GPC5: variants seen among roughly 807,000 people sequenced by gnomAD.
GPC5 encodes glypican-5.
Under a neutral mutation model 53.9 loss-of-function variants are expected in GPC5, and 47 were observed. That is an observed-to-expected ratio of 0.87 (90% confidence interval 0.69 to 1.11). GPC5 has a LOEUF of 1.11. Among genes scored for constraint, GPC5 ranks in the 50% most tolerant of loss-of-function variants. The pLI is 0.00. For synonymous variants in GPC5, 286 were observed against 263.3 expected (o/e 1.09, Z -0.84); for missense variants, 748 against 713.1 (o/e 1.05, Z -0.56).
intron 5 of GPC5, among the ~76,000 whole-genome samples, chr13:91,777,380 GT>G (rs1391010596): frequency 1.3e-5 from 2 of 152,174 alleles, no homozygotes; most frequent in African/African-American, 4.8e-5. Flanking sequence ...CTTTGACAGT[GT>G]TATCTGAAGC....
chr13:92,489,256 C>T (rs183034153), intron 7 of GPC5, among the ~76,000 whole-genome samples: 47 of 152,278 alleles, frequency 3.1e-4, no homozygotes, highest in African/African-American at 1.1e-3. Context: ...ATTCACTTAT[C>T]TAATGATCCT....
intron 2 of GPC5, among the ~76,000 whole-genome samples, chr13:91,492,884 A>G (rs2139260693): frequency 6.6e-6 from 1 of 152,302 alleles, no homozygotes; most frequent in East Asian, 1.9e-4. Context: ...GAAATAACCA[A>G]AACAACTCCA....
At chr13:91,548,994 G>A (rs1286900539) in intron 2 of GPC5, among the ~76,000 whole-genome samples, 1 of 152,156 alleles carries the variant, frequency 6.6e-6, no homozygotes, top group Non-Finnish European at 1.5e-5. Flanking sequence ...AAACTGGCTG[G>A]GTGCAGTGAC....
intron 5 of GPC5, among the ~76,000 whole-genome samples, chr13:91,846,890 G>A (rs572107209): frequency 6.6e-6 from 1 of 152,160 alleles, no homozygotes; most frequent in Admixed American, 6.6e-5. Context: ...TGAAGATTAA[G>A]TTCAAAGAGA....
chr13:91,569,940 A>G (rs557518074), intron 2 of GPC5, among the ~76,000 whole-genome samples: 7 of 152,260 alleles, frequency 4.6e-5, no homozygotes, highest in Non-Finnish European at 2.9e-5. Context: ...TAAATTACCC[A>G]TTCTCATGTA....
chr13:92,223,420 CA>C (rs771242941), intron 7 of GPC5, among the ~76,000 whole-genome samples: 19 of 152,138 alleles, frequency 1.2e-4, no homozygotes, highest in Non-Finnish European at 2.2e-4. Context: ...TAAAAAGCTT[CA>C]GGGGTCTTCT....
At chr13:91,991,351 TTTTA>T (rs2040454791) in intron 6 of GPC5, among the ~76,000 whole-genome samples, 1 of 152,212 alleles carries the variant, frequency 6.6e-6, no homozygotes, top group Non-Finnish European at 1.5e-5. Context: ...ACATAATCTG[TTTTA>T]TTTATCTTTG....
At chr13:91,799,815 T>C (rs1320548848) in intron 5 of GPC5, among the ~76,000 whole-genome samples, 2 of 152,188 alleles carry the variant, frequency 1.3e-5, no homozygotes, top group African/African-American at 4.8e-5. Context: ...TCAGTTCTTT[T>C]ATATTTCAGT....
intron 7 of GPC5, among the ~76,000 whole-genome samples, chr13:92,444,979 A>G (rs1877739145): frequency 6.6e-6 from 1 of 152,144 alleles, no homozygotes; most frequent in Non-Finnish European, 1.5e-5. Context: ...GGTGGCATAC[A>G]TAGTCCTCTG....
chr13:92,752,816 C>T (rs1359414592), intron 7 of GPC5, among the ~76,000 whole-genome samples: 4 of 152,192 alleles, frequency 2.6e-5, no homozygotes, highest in East Asian at 1.9e-4. Context: ...AGATTATATC[C>T]TGCACCTGGC....
In GPC5 at chr13:92,137,835, G is replaced by T. The variant is rs572077885; in HGVS notation, c.1402-6995G>T. Among the ~76,000 whole-genome samples the T allele has an allele frequency of 3.3e-5, 5 of 152,238 alleles. No individual in the cohort carries two copies. In the East Asian group the frequency reaches 7.7e-4, roughly 24 times the overall value. ...CATTTACTAATGCAGAAAATGTGTGGCCCAGAGAAGTAATGTCAAGTTTGT... is the reference window on the plus strand; with the variant it reads ...CATTTACTAATGCAGAAAATGTGTGTCCCAGAGAAGTAATGTCAAGTTTGT... On this transcript the variant is annotated intron_variant, in intron 6 of 7. Coordinates refer to ENST00000377067, the MANE Select transcript of GPC5 (RefSeq NM_004466.6).
At chr13:92,730,119 A>G (rs1022099068) in intron 7 of GPC5, among the ~76,000 whole-genome samples, 3 of 151,446 alleles carry the variant, frequency 2.0e-5, no homozygotes, top group African/African-American at 7.3e-5. Context: ...GTCCTACATT[A>G]TATGCTGAAA....
At chr13:92,128,826 G>A (rs955295686) in intron 6 of GPC5, among the ~76,000 whole-genome samples, 2 of 152,256 alleles carry the variant, frequency 1.3e-5, no homozygotes, top group Admixed American at 6.5e-5. Flanking sequence ...AGCTGTGCGT[G>A]GTGGTGTGCA....
intron 7 of GPC5, among the ~76,000 whole-genome samples, chr13:92,648,909 G>A (rs575598670): frequency 6.6e-6 from 1 of 152,176 alleles, no homozygotes; most frequent in Non-Finnish European, 1.5e-5. Context: ...TCCAATAGGA[G>A]TGCCTTCTCA....
chr13:91,938,722 A>G (rs187425587), intron 6 of GPC5, among the ~76,000 whole-genome samples: 25 of 152,278 alleles, frequency 1.6e-4, no homozygotes, highest in African/African-American at 5.8e-4. Context: ...ATCTGTCCTT[A>G]TGAAACTTGC....
intron 7 of GPC5, among the ~76,000 whole-genome samples, chr13:92,439,420 C>T (rs1877456582): frequency 6.6e-6 from 1 of 152,062 alleles, no homozygotes; most frequent in Non-Finnish European, 1.5e-5. Context: ...CTAAAATAGG[C>T]TTAGGAATAA....
At chr13:91,780,215 T>C (rs2037777299) in intron 5 of GPC5, among the ~76,000 whole-genome samples, 1 of 152,236 alleles carries the variant, frequency 6.6e-6, no homozygotes. Flanking sequence ...TGTTATGCAG[T>C]GAATGACTTT....
chr13:91,843,120 A>G (rs1489778328), intron 5 of GPC5, among the ~76,000 whole-genome samples: 1 of 152,138 alleles, frequency 6.6e-6, no homozygotes, highest in Non-Finnish European at 1.5e-5. Context: ...TGTATTCTAA[A>G]CTTTTGCTGA....
At chr13:92,256,291 T>C (rs1001480484) in intron 7 of GPC5, among the ~76,000 whole-genome samples, 5 of 152,158 alleles carry the variant, frequency 3.3e-5, no homozygotes, top group African/African-American at 9.6e-5. Context: ...ACTTATTGTA[T>C]ATACAGTGTT....
Sources: allele counts gnomAD v4.1 joint callset (sites outside exome capture counted in the v4.1 genomes callset), GRCh38; gene constraint gnomAD v4.1.1; transcripts MANE v1.5; gene names NCBI Gene and HGNC (gene_info 2026-07-23, HGNC 2026-07-21).